KCNH7: variants seen among roughly 807,000 people sequenced by gnomAD.
KCNH7 encodes potassium voltage-gated channel subfamily H member 7.
KCNH7 carries 49 observed loss-of-function variants against 120.8 expected under a neutral mutation model. That is an observed-to-expected ratio of 0.41 (90% CI 0.32 to 0.51). The LOEUF (loss-of-function observed/expected upper bound fraction) is 0.51. KCNH7 is among the 20% of genes least tolerant of loss of function. The pLI, the probability that KCNH7 is intolerant of heterozygous loss-of-function variation, is 0.38. For missense variants in KCNH7, 1,097 were observed against 1,446.6 expected (o/e 0.76, Z 3.92); for synonymous variants, 547 against 516.1 (o/e 1.06, Z -0.81).
chr2:162,409,964 A>G (rs1474509026), intron 9 of KCNH7, among the ~76,000 whole-genome samples: 2 of 152,070 alleles, frequency 1.3e-5, no homozygotes, highest in Admixed American at 1.3e-4. Context: ...TTTCATGCTC[A>G]TGGATAGGAA....
intron 9 of KCNH7, among the ~76,000 whole-genome samples, chr2:162,406,194 A>G (rs1687213104): frequency 6.6e-6 from 1 of 151,794 alleles, no homozygotes; most frequent in Non-Finnish European, 1.5e-5. Context: ...TCAACAATTG[A>G]GCTGGTTCCT....
At chr2:162,610,829 T>C (rs1013202582) in intron 2 of KCNH7, among the ~76,000 whole-genome samples, 2 of 152,202 alleles carry the variant, frequency 1.3e-5, no homozygotes, top group Admixed American at 6.5e-5. Flanking sequence ...GAAATTAGGA[T>C]TTGTCATAGA....
intron 9 of KCNH7, among the ~76,000 whole-genome samples, chr2:162,416,719 T>C (rs1299685429): frequency 6.6e-6 from 1 of 152,052 alleles, no homozygotes; most frequent in African/African-American, 2.4e-5. Flanking sequence ...TCAGCATAGC[T>C]CTGGAGTGTT....
At position 162,686,807 on chromosome 2, in the gene KCNH7, G is replaced by A. The variant is rs576030136; in HGVS notation, c.308-149727C>T. 7.9e-5 allele frequency among the ~76,000 whole-genome samples: 12 copies of A among 152,162 alleles called. No individual in the cohort carries two copies. In the East Asian group the frequency reaches 2.3e-3, roughly 29 times the overall value. On this transcript the variant is annotated intron_variant, in intron 2 of 15. Transcript: ENST00000332142. Reference sequence around the variant, plus strand: ...TACCAAGGTCAAAAAAGTTCTTGAGGGTCATCAGTCTGCCAGGCATGTGAG... The same window carrying A: ...TACCAAGGTCAAAAAAGTTCTTGAGAGTCATCAGTCTGCCAGGCATGTGAG...
At chr2:162,581,047 G>T (rs1239620899) in intron 2 of KCNH7, among the ~76,000 whole-genome samples, 1 of 152,028 alleles carries the variant, frequency 6.6e-6, no homozygotes, top group Non-Finnish European at 1.5e-5. Flanking sequence ...TCAGAGAGAG[G>T]CTATACAGCA....
At chr2:162,818,217 A>G (rs1287359370) in intron 2 of KCNH7, among the ~76,000 whole-genome samples, 2 of 151,958 alleles carry the variant, frequency 1.3e-5, no homozygotes, top group Admixed American at 1.3e-4. Context: ...TTTTGTTTAT[A>G]TCTCAAAAAT....
At chr2:162,432,770 C>G (rs1049584210) in intron 8 of KCNH7, among the ~76,000 whole-genome samples, 4 of 152,018 alleles carry the variant, frequency 2.6e-5, no homozygotes, top group Non-Finnish European at 4.4e-5. Context: ...TGCCCACTCT[C>G]ACTACTCCTA....
chr2:162,464,606 G>A (rs1254105410), intron 6 of KCNH7, among the ~76,000 whole-genome samples: 1 of 151,934 alleles, frequency 6.6e-6, no homozygotes, highest in Non-Finnish European at 1.5e-5. Flanking sequence ...ACATCTTACT[G>A]TTAGATAAAA....
Position 162,746,275 on chromosome 2 carries a change from C to T in KCNH7, c.307+90262G>A, listed in dbSNP as rs374784825. Among the ~76,000 whole-genome samples, 33 of 151,984 alleles carry T rather than the reference C, an allele frequency of 2.2e-4. 1 individual carries two copies. Among genetic ancestry groups the T allele is most frequent in the East Asian group, 1.2e-3 (6 of 5,174 alleles). ...AGCAGAATCATTCTTAATAATGCTACGGTAAAATTTAAGATACTCAAATAG... is the reference window on the plus strand; with the variant it reads ...AGCAGAATCATTCTTAATAATGCTATGGTAAAATTTAAGATACTCAAATAG... On this transcript the variant is annotated intron_variant, in intron 2 of 15. Transcript: ENST00000332142.
At chr2:162,738,634 C>CA (rs1207799867) in intron 2 of KCNH7, among the ~76,000 whole-genome samples, 1 of 151,892 alleles carries the variant, frequency 6.6e-6, no homozygotes. Flanking sequence ...GACAAAAGCT[C>CA]AAAAAAAGAA....
chr2:162,381,456 A>G lies in KCNH7; in HGVS notation c.2963-1435T>C, dbSNP rs185582016. Among the ~76,000 whole-genome samples the G allele has an allele frequency of 4.6e-5, 7 of 152,208 alleles. No homozygotes were observed. In the East Asian group the frequency reaches 1.4e-3, roughly 29 times the overall value. On this transcript the variant is annotated intron_variant, in intron 13 of 15. Coordinates refer to ENST00000332142, the MANE Select transcript of KCNH7 (RefSeq NM_033272.4). Reference sequence around the variant, plus strand: ...CTCTTTCTCCAAGTAGAAGACAGACATGTCTGTATTCTTTCTTCATGGTTT... The same window carrying G: ...CTCTTTCTCCAAGTAGAAGACAGACGTGTCTGTATTCTTTCTTCATGGTTT...
intron 2 of KCNH7, among the ~76,000 whole-genome samples, chr2:162,600,636 T>C (rs774830179): frequency 9.2e-5 from 14 of 152,236 alleles, no homozygotes; most frequent in African/African-American, 3.4e-4. Context: ...TCTACATACA[T>C]GTTTCAGTTC....
chr2:162,800,397 G>C (rs929683420), intron 2 of KCNH7, among the ~76,000 whole-genome samples: 14 of 151,328 alleles, frequency 9.3e-5, no homozygotes, highest in Admixed American at 9.2e-4. Flanking sequence ...CTTGTACAAC[G>C]GCAGTATTTT....
chr2:162,536,787 TA>T, intron 3 of KCNH7, 137 bp downstream of exon 3: 1 of 862,602 alleles, frequency 1.2e-6, no homozygotes, highest in Non-Finnish European at 1.8e-6. Flanking sequence ...TAACATGAGC[TA>T]ATGGCTTACT....
rs115120641 is a variant in KCNH7, at chr2:162,562,003, C to T, written c.308-24923G>A. Among the ~76,000 whole-genome samples the T allele has an allele frequency of 4.6e-3, 701 of 152,086 alleles. 7 individuals carry two copies. The highest frequency in any genetic ancestry group is 0.016 in the African/African-American group (665 of 41,480). On this transcript the variant is annotated intron_variant, in intron 2 of 15. Transcript: ENST00000332142. ...CATGTTCTCGCTCATGAGTGGGAGTCGATCAATGAGAACACATGGACACAG... is the reference window on the plus strand; with the variant it reads ...CATGTTCTCGCTCATGAGTGGGAGTTGATCAATGAGAACACATGGACACAG...
intron 2 of KCNH7, among the ~76,000 whole-genome samples, chr2:162,806,550 C>T (rs1486866948): frequency 6.6e-6 from 1 of 152,172 alleles, no homozygotes; most frequent in East Asian, 1.9e-4. Context: ...GTTAAAAAAA[C>T]AGAAAATGAT....
intron 2 of KCNH7, among the ~76,000 whole-genome samples, chr2:162,558,916 G>A (rs538523680): frequency 4.8e-4 from 72 of 151,484 alleles, no homozygotes; most frequent in Admixed American, 4.4e-3. Flanking sequence ...TTAGCCGGGC[G>A]TTGTGGCAGG....
At chr2:162,451,477 C>T (rs1688769103) in intron 6 of KCNH7, among the ~76,000 whole-genome samples, 1 of 151,968 alleles carries the variant, frequency 6.6e-6, no homozygotes, top group Non-Finnish European at 1.5e-5. Flanking sequence ...CATTTTGTTA[C>T]TTATGATTCT....
intron 2 of KCNH7, among the ~76,000 whole-genome samples, chr2:162,721,036 C>CTATAGATAGGTATA (rs1166303351): frequency 1.3e-5 from 2 of 152,086 alleles, no homozygotes; most frequent in Non-Finnish European, 2.9e-5. Flanking sequence ...TAGATACTAA[C>CTATAGATAGGTATA]GCTACGACTC....
Sources: allele counts gnomAD v4.1 joint callset (sites outside exome capture counted in the v4.1 genomes callset), GRCh38; gene constraint gnomAD v4.1.1; transcripts MANE v1.5; gene names NCBI Gene and HGNC (gene_info 2026-07-23, HGNC 2026-07-21).